STX18: variants seen among roughly 807,000 people sequenced by gnomAD.
STX18 encodes the protein syntaxin 18.
Under a neutral mutation model 50.1 loss-of-function variants are expected in STX18, and 40 were observed. The observed-to-expected ratio is 0.80, with a 90% CI of 0.62 to 1.04. STX18 has a LOEUF of 1.04. Ranked by LOEUF, STX18 falls within the 50% of genes least tolerant of loss-of-function variation. The pLI is 0.00. For missense variants in STX18, 410 were observed against 415.8 expected (o/e 0.99, Z 0.12); for synonymous variants, 158 against 151.8 (o/e 1.04, Z -0.30).
intron 1 of STX18, among the ~76,000 whole-genome samples, chr4:4,525,467 A>T (rs1311712568): frequency 1.3e-5 from 2 of 152,166 alleles, no homozygotes; most frequent in Non-Finnish European, 2.9e-5. Context: ...TTGGGGGTAA[A>T]ACTACTAAAC....
At chr4:4,449,944 C>G (rs188301817) in intron 5 of STX18, among the ~76,000 whole-genome samples, 650 of 152,332 alleles carry the variant, frequency 4.3e-3, no homozygotes, top group Non-Finnish European at 6.7e-3. Context: ...TCCTAACATT[C>G]TGAGCCCTTC....
In STX18 at chr4:4,434,800, T is replaced by G; in HGVS notation, c.672A>C (p.Glu224Asp). Residue 224 changes from glutamate to aspartate, a missense_variant, in exon 7 of 11, where the codon GAA becomes GAC. Glu to Asp is a conservative substitution (Grantham distance 45). Coordinates refer to ENST00000306200, the MANE Select transcript of STX18 (RefSeq NM_016930.4). ...ELGTWGDGKG[E>D]DELSPEEIQM... is the part of the protein sequence containing the mutation. The stretch of plus-strand genomic sequence containing the variant: ...GTATTTCTTCTGGGGATAACTCATC[T>G]TCGCCTTTGCCATCTCCCCACGTTC... 1 of 1,607,564 alleles carries G rather than the reference T, an allele frequency of 6.2e-7. No individual in the cohort carries two copies. The highest frequency in any genetic ancestry group is 1.7e-4 in the Middle Eastern group (1 of 5,964).
At position 4,420,321 on chromosome 4, in the gene STX18, T is replaced by G; in HGVS notation, c.913-192A>C. 1.7e-6 allele frequency: 1 copy of G among 572,378 alleles called. No homozygotes were observed. The highest frequency in any genetic ancestry group is 3.1e-6 in the Non-Finnish European group (1 of 318,256). The allele number at this position is 572,378 out of a possible 1,614,324, so 35.5% of individuals were successfully genotyped here. ...ACAAATGGGTTATATTTCCCTCTGTTTGGCCATCATTTGGGTCCTGCACAA... is the reference window on the plus strand; with the variant it reads ...ACAAATGGGTTATATTTCCCTCTGTGTGGCCATCATTTGGGTCCTGCACAA... On this transcript the variant is annotated intron_variant, in intron 10 of 10. Coordinates refer to ENST00000306200, the MANE Select transcript of STX18 (RefSeq NM_016930.4). This position sits in a 1 kb window ranked among gnomAD's most constrained non-coding sequence, Gnocchi z 4.3.
intron 1 of STX18, among the ~76,000 whole-genome samples, chr4:4,505,633 A>T (rs1031231069): frequency 3.3e-5 from 5 of 151,930 alleles, no homozygotes; most frequent in East Asian, 3.9e-4. Context: ...TAAAAAAAAA[A>T]AAAAAATCAG....
At chr4:4,530,921 CAGAA>C (rs1301232829) in intron 1 of STX18, among the ~76,000 whole-genome samples, 1 of 152,114 alleles carries the variant, frequency 6.6e-6, no homozygotes, top group African/African-American at 2.4e-5. Flanking sequence ...TTTTAAAACT[CAGAA>C]AGACTTCCCA....
At chr4:4,501,260 G>A (rs1729444213) in intron 1 of STX18, among the ~76,000 whole-genome samples, 1 of 152,080 alleles carries the variant, frequency 6.6e-6, no homozygotes, top group Non-Finnish European at 1.5e-5. Context: ...TTAAAAGTTA[G>A]GAGCATTTCT....
chr4:4,471,602 C>G, intron 2 of STX18, 37 bp downstream of exon 2: 2 of 1,399,066 alleles, frequency 1.4e-6, no homozygotes, highest in Non-Finnish European at 1.9e-6. Context: ...GAAAAGAACA[C>G]AGTCACCAAA....
At chr4:4,486,194 C>G (rs1016929926) in intron 1 of STX18, among the ~76,000 whole-genome samples, 1 of 152,150 alleles carries the variant, frequency 6.6e-6, no homozygotes, top group Non-Finnish European at 1.5e-5. Context: ...AAGCTCCTAC[C>G]ACCAACCCCG....
At chr4:4,456,202 C>T (rs1464460843) in intron 5 of STX18, among the ~76,000 whole-genome samples, 3 of 151,794 alleles carry the variant, frequency 2.0e-5, no homozygotes, top group African/African-American at 7.3e-5. Flanking sequence ...ATTGTTTGAG[C>T]CCAGGAGGTC....
intron 1 of STX18, among the ~76,000 whole-genome samples, chr4:4,529,833 T>C (rs1023410006): frequency 2.0e-5 from 3 of 152,224 alleles, no homozygotes; most frequent in African/African-American, 7.2e-5. Flanking sequence ...CAACAAGTGG[T>C]AGCCATTATT....
At chr4:4,511,548 A>T (rs1288319452) in intron 1 of STX18, among the ~76,000 whole-genome samples, 2 of 152,182 alleles carry the variant, frequency 1.3e-5, no homozygotes, top group East Asian at 3.9e-4. Flanking sequence ...TTGTTTAGGT[A>T]CCCAAGGCAG....
chr4:4,535,586 C>T (rs534801801), intron 1 of STX18, among the ~76,000 whole-genome samples: 49 of 152,220 alleles, frequency 3.2e-4, no homozygotes, highest in Non-Finnish European at 5.3e-4. Context: ...AGTAGGCTGG[C>T]GAATGAACCT....
At chr4:4,517,963 C>T (rs1195044431) in intron 1 of STX18, among the ~76,000 whole-genome samples, 1 of 151,960 alleles carries the variant, frequency 6.6e-6, no homozygotes, top group African/African-American at 2.4e-5. Context: ...TTAGTAGAGA[C>T]GAGGTTTCAC....
At chr4:4,463,147 G>A (rs1314542896) in intron 2 of STX18, among the ~76,000 whole-genome samples, 1 of 152,132 alleles carries the variant, frequency 6.6e-6, no homozygotes, top group African/African-American at 2.4e-5. Context: ...TCCCACTGTT[G>A]GCTTTGCAAA....
At chr4:4,449,623 T>C (rs949500112) in intron 5 of STX18, among the ~76,000 whole-genome samples, 2 of 152,230 alleles carry the variant, frequency 1.3e-5, no homozygotes, top group African/African-American at 2.4e-5. Context: ...TCTTGCTGCA[T>C]CCTATTAGGT....
intron 1 of STX18, among the ~76,000 whole-genome samples, chr4:4,491,564 G>C (rs1434145513): frequency 6.6e-6 from 1 of 152,098 alleles, no homozygotes; most frequent in Non-Finnish European, 1.5e-5. Context: ...TCTACCGAAA[G>C]AGGAAGTATA....
chr4:4,448,320 A>C (rs1159360579), intron 5 of STX18, among the ~76,000 whole-genome samples: 1 of 151,340 alleles, frequency 6.6e-6, no homozygotes, highest in African/African-American at 2.4e-5. Flanking sequence ...ACTTATTTTT[A>C]GTGTGGCCTT....
Position 4,541,933 on chromosome 4 carries a change from G to C in STX18, c.32C>G (p.Ala11Gly), listed in dbSNP as rs1419655236. 6.2e-7 allele frequency: 1 copy of C among 1,607,894 alleles called. No individual in the cohort carries two copies. Among genetic ancestry groups the C allele is most frequent in the Non-Finnish European group, 8.5e-7 (1 of 1,177,914 alleles). The change falls in exon 1 of 11, where the codon GCC (alanine) becomes GGC (glycine). Residue 11 changes from alanine to glycine, a missense_variant. By Grantham distance (60) the Ala-to-Gly change is moderately conservative. Transcript: ENST00000306200. ...CCGCGTCTTCACGGTCTTGACGCTG[G>C]CCCGGAATAGCAGCGTGATGTCCAC... MAVDITLLFR[A>G]SVKTVKTRNK... is the part of the protein sequence containing the mutation.
chr4:4,481,913 C>A (rs1728482308), intron 1 of STX18, among the ~76,000 whole-genome samples: 1 of 152,194 alleles, frequency 6.6e-6, no homozygotes, highest in Admixed American at 6.5e-5. Flanking sequence ...TTCTCGCTTT[C>A]TTCTTTTCTT....
Sources: allele counts gnomAD v4.1 joint callset (sites outside exome capture counted in the v4.1 genomes callset), GRCh38; gene constraint gnomAD v4.1.1; non-coding constraint Gnocchi (gnomAD v3.1); transcripts MANE v1.5; gene names NCBI Gene and HGNC (gene_info 2026-07-23, HGNC 2026-07-21).